The following SLC9A9 variants were observed in gnomAD, a reference collection of about 807,000 sequenced individuals.
SLC9A9 encodes sodium/hydrogen exchanger 9.
In SLC9A9, 62 loss-of-function variants were observed where a neutral mutation model predicts 77.8. The observed-to-expected ratio is 0.80, with a 90% CI of 0.65 to 0.98. The LOEUF is 0.98. Among genes scored for constraint, SLC9A9 ranks in the 50% least tolerant of loss-of-function variants. SLC9A9 has a pLI of 0.00. For synonymous variants in SLC9A9, 320 were observed against 283.5 expected (o/e 1.13, Z -1.29); for missense variants, 775 against 774.9 (o/e 1.00, Z 0.00).
intron 1 of SLC9A9, among the ~76,000 whole-genome samples, chr3:143,841,582 G>T (rs7637640): frequency 0.043 from 6,464 of 152,068 alleles, 445 homozygotes; most frequent in African/African-American, 0.14. Flanking sequence ...TAAATAATTT[G>T]AATCATAAAT....
At chr3:143,712,368 G>A (rs926373923) in intron 4 of SLC9A9, among the ~76,000 whole-genome samples, 2 of 152,188 alleles carry the variant, frequency 1.3e-5, no homozygotes, top group Non-Finnish European at 2.9e-5. Context: ...AGAGGAAGAG[G>A]AAAGAATTAA....
intron 14 of SLC9A9, among the ~76,000 whole-genome samples, chr3:143,310,408 G>A (rs893553861): frequency 8.6e-5 from 13 of 151,886 alleles, no homozygotes; most frequent in African/African-American, 2.7e-4. Context: ...AGAAAGTCAC[G>A]TAAATCTGGG....
intron 6 of SLC9A9, among the ~76,000 whole-genome samples, chr3:143,641,888 T>A (rs1183841669): frequency 5.3e-5 from 8 of 152,194 alleles, no homozygotes; most frequent in Admixed American, 5.2e-4. Flanking sequence ...TATGAGTAAT[T>A]GTTTCTAACT....
intron 6 of SLC9A9, among the ~76,000 whole-genome samples, chr3:143,625,629 G>T (rs915725519): frequency 6.6e-6 from 1 of 152,188 alleles, no homozygotes; most frequent in African/African-American, 2.4e-5. Context: ...ATGGATTAAA[G>T]ACTTAAATGT....
At chr3:143,691,242 A>T (rs951396721) in intron 5 of SLC9A9, among the ~76,000 whole-genome samples, 9 of 151,138 alleles carry the variant, frequency 6.0e-5, no homozygotes, top group African/African-American at 1.9e-4. Flanking sequence ...TAATTTTTAA[A>T]TTTTTTTTTG....
chr3:143,678,260 C>T (rs773885112), intron 5 of SLC9A9, among the ~76,000 whole-genome samples: 4 of 152,126 alleles, frequency 2.6e-5, no homozygotes, highest in Non-Finnish European at 5.9e-5. Context: ...TGTTGCCTAT[C>T]TATTGACTGT....
chr3:143,522,550 T>TTATATGACTTGCAC (rs2036319639), intron 9 of SLC9A9, among the ~76,000 whole-genome samples: 1 of 152,120 alleles, frequency 6.6e-6, no homozygotes, highest in Non-Finnish European at 1.5e-5. Flanking sequence ...TACTATCACT[T>TTATATGACTTGCAC]TATATGACTT....
chr3:143,516,972 T>A (rs2036211774), intron 9 of SLC9A9, among the ~76,000 whole-genome samples: 1 of 152,226 alleles, frequency 6.6e-6, no homozygotes, highest in Non-Finnish European at 1.5e-5. Context: ...TATCTTATAA[T>A]CATTTTAATT....
intron 6 of SLC9A9, among the ~76,000 whole-genome samples, chr3:143,646,107 T>C (rs2038703129): frequency 6.6e-6 from 1 of 152,098 alleles, no homozygotes; most frequent in Non-Finnish European, 1.5e-5. Flanking sequence ...TTATTAAGTA[T>C]GTTAATGGGG....
intron 6 of SLC9A9, among the ~76,000 whole-genome samples, chr3:143,607,230 A>G (rs185362131): frequency 1.8e-4 from 27 of 152,172 alleles, no homozygotes; most frequent in Non-Finnish European, 3.7e-4. Context: ...CAAAAGAATA[A>G]TAATTACTGC....
At chr3:143,597,512 A>T (rs1447519988) in intron 6 of SLC9A9, among the ~76,000 whole-genome samples, 2 of 152,190 alleles carry the variant, frequency 1.3e-5, no homozygotes, top group African/African-American at 4.8e-5. Context: ...GCTGAGACAG[A>T]GCGGACAGCG....
At chr3:143,279,933 C>A (rs908280951) in intron 14 of SLC9A9, among the ~76,000 whole-genome samples, 20 of 152,308 alleles carry the variant, frequency 1.3e-4, no homozygotes, top group Admixed American at 1.2e-3. Context: ...AATCCTCCCC[C>A]CTCAGCCTCT....
chr3:143,786,304 C>A (rs2008055671), intron 4 of SLC9A9, among the ~76,000 whole-genome samples: 1 of 152,116 alleles, frequency 6.6e-6, no homozygotes, highest in South Asian at 2.1e-4. Flanking sequence ...AGGCATTTTT[C>A]TTTTTTACCA....
intron 5 of SLC9A9, among the ~76,000 whole-genome samples, chr3:143,662,051 G>A (rs1455866083): frequency 1.6e-4 from 25 of 152,136 alleles, no homozygotes; most frequent in Admixed American, 1.6e-3. Flanking sequence ...TTTTAGTGGT[G>A]TGATTTATCT....
chr3:143,515,895 A>G (rs2036195779), intron 9 of SLC9A9, among the ~76,000 whole-genome samples: 1 of 152,162 alleles, frequency 6.6e-6, no homozygotes. Flanking sequence ...GCCTCATGAA[A>G]TGATTTGAGG....
At chr3:143,683,781 A>G (rs979072339) in intron 5 of SLC9A9, among the ~76,000 whole-genome samples, 13 of 152,140 alleles carry the variant, frequency 8.5e-5, no homozygotes, top group African/African-American at 3.1e-4. Flanking sequence ...AAGCAAAATT[A>G]TCACATTACA....
At chr3:143,646,112 A>G (rs1467372364) in intron 6 of SLC9A9, among the ~76,000 whole-genome samples, 3 of 152,104 alleles carry the variant, frequency 2.0e-5, no homozygotes, top group African/African-American at 7.2e-5. Context: ...AAGTATGTTA[A>G]TGGGGATTTT....
In SLC9A9 at chr3:143,795,131, A is replaced by C. The variant is rs1465579153; in HGVS notation, c.457-54T>G. 2.6e-6 allele frequency: 4 copies of C among 1,520,258 alleles called. No individual in the cohort carries two copies. The African/African-American group carries it at 5.5e-5, about 21-fold the overall frequency. The allele number at this position is 1,520,258 out of a possible 1,614,324, so 94.2% of individuals were successfully genotyped here. ...GTACATCAGAATTTTTTCTTAGTGC[A>C]AAAGAAAATAAAAATAAATGTATGC... is the stretch of plus-strand genomic sequence containing the variant. On this transcript the variant is annotated intron_variant, in intron 3 of 15. Transcript: ENST00000316549.
intron 8 of SLC9A9, among the ~76,000 whole-genome samples, chr3:143,561,303 C>T (rs1413827613): frequency 1.3e-5 from 2 of 151,976 alleles, no homozygotes; most frequent in African/African-American, 4.8e-5. Context: ...GGGATAAAAA[C>T]CAAATAATTA....
Sources: gnomAD v4.1 joint callset for allele counts (sites outside exome capture counted in the v4.1 genomes callset) on GRCh38, gnomAD v4.1.1 for gene constraint, MANE v1.5 for transcripts, NCBI Gene and HGNC (gene_info 2026-07-23, HGNC 2026-07-21) for gene names.